Variants in GPBP1L1 observed in about 807,000 individuals in gnomAD.
GPBP1L1 encodes the protein vasculin-like protein 1.
Under a neutral mutation model 52.5 loss-of-function variants are expected in GPBP1L1, and 23 were observed. The ratio of observed to expected loss-of-function variants is 0.44; its 90% confidence interval spans 0.32 to 0.62. The LOEUF is 0.62. GPBP1L1 is among the 20% of genes least tolerant of loss of function. The pLI, the probability that GPBP1L1 is intolerant of heterozygous loss-of-function variation, is 0.06. For synonymous variants in GPBP1L1, 243 were observed against 203.1 expected, an observed-to-expected ratio of 1.20 and a Z score of -1.67; for missense variants, 596 against 579.3, an observed-to-expected ratio of 1.03 and a Z score of -0.30.
At chr1:45,669,996 TATTTCCTGA>T (rs1296526092) in intron 2 of GPBP1L1, among the ~76,000 whole-genome samples, 1 of 152,246 alleles carries the variant, frequency 6.6e-6, no homozygotes, top group African/African-American at 2.4e-5. Context: ...AGTAGATAAA[TATTTCCTGA>T]ATGAGTGTAT....
chr1:45,637,399 A>T (rs747356700), intron 8 of GPBP1L1, among the ~76,000 whole-genome samples: 2 of 152,108 alleles, frequency 1.3e-5, no homozygotes, highest in Non-Finnish European at 2.9e-5. Flanking sequence ...TTTTCCCAGG[A>T]AGAATGTCTT....
intron 6 of GPBP1L1, among the ~76,000 whole-genome samples, chr1:45,653,220 G>C: frequency 6.6e-6 from 1 of 152,170 alleles, no homozygotes; most frequent in East Asian, 1.9e-4. Flanking sequence ...TATAACAGAA[G>C]CGACTGATCG....
chr1:45,670,997 T>A (rs1034576597), intron 2 of GPBP1L1, among the ~76,000 whole-genome samples: 1 of 151,880 alleles, frequency 6.6e-6, no homozygotes, highest in South Asian at 2.1e-4. Flanking sequence ...TTTCACTGTG[T>A]TAGCCAGGCT....
chr1:45,632,736 G>A (rs1329344184), intron 10 of GPBP1L1, among the ~76,000 whole-genome samples: 1 of 152,042 alleles, frequency 6.6e-6, no homozygotes, highest in Admixed American at 6.5e-5. Flanking sequence ...AAATAAGAAA[G>A]AATGAAGAGT....
intron 6 of GPBP1L1, among the ~76,000 whole-genome samples, chr1:45,645,376 C>T (rs941968489): frequency 5.3e-5 from 8 of 152,148 alleles, no homozygotes; most frequent in Non-Finnish European, 1.2e-4. Context: ...TACGGAACAT[C>T]TATTTTACGT....
At position 45,628,401 on chromosome 1, in the gene GPBP1L1, C is replaced by A; in HGVS notation, c.1280G>T (p.Arg427Ile). 6.2e-7 allele frequency: 1 copy of A among 1,613,806 alleles called. No individual in the cohort carries two copies. Among genetic ancestry groups the A allele is most frequent in the Non-Finnish European group, 8.5e-7 (1 of 1,179,964 alleles). The stretch of plus-strand genomic sequence containing the variant: ...GAAGCCATTCTTTCCAAAGCCATTT[C>A]TTCTCAGCTATGGTTAGCATGGGAG... ...EFHMKTEQLR[R>I]NGFGKNGFLQ... The change falls in exon 13 of 13, where the codon AGA becomes ATA. Residue 427 changes from arginine to isoleucine, a missense_variant. Transcript: ENST00000355105.
rs368262085 is a variant in GPBP1L1, at chr1:45,659,019, G to C, written c.60+9C>G. 1.5e-5 allele frequency: 23 copies of C among 1,569,962 alleles called. No homozygotes were observed. Among genetic ancestry groups the C allele is most frequent in the Non-Finnish European group, 2.0e-5 (23 of 1,139,730 alleles). On this transcript the variant is annotated intron_variant, in intron 4 of 12. Coordinates refer to ENST00000355105, the MANE Select transcript of GPBP1L1 (RefSeq NM_021639.5). ...TTTGAGAAGTTACTACAGGAATGGA[G>C]AACAGTACCTTAGCTGACTGTGGTG...
At chr1:45,641,443 T>TAC (rs1278657587) in intron 7 of GPBP1L1, among the ~76,000 whole-genome samples, 1 of 150,232 alleles carries the variant, frequency 6.7e-6, no homozygotes, top group African/African-American at 2.5e-5. Flanking sequence ...AACATATATA[T>TAC]ACACACACAT....
At chr1:45,656,693 A>G (rs1644888837) in intron 4 of GPBP1L1, among the ~76,000 whole-genome samples, 2 of 149,868 alleles carry the variant, frequency 1.3e-5, no homozygotes, top group African/African-American at 4.9e-5. Flanking sequence ...TTTAAGAGCC[A>G]GGGTCTCAGT....
At position 45,634,244 on chromosome 1, in the gene GPBP1L1, G is replaced by A. The variant is rs1644567480; in HGVS notation, c.745-8C>T. ...AGCTTTCCATGCATTAGGCTACACAGGGTGAAAGAACAAATCAGTCAGAAC... is the reference window on the plus strand; with the variant it reads ...AGCTTTCCATGCATTAGGCTACACAAGGTGAAAGAACAAATCAGTCAGAAC... On this transcript the variant is annotated splice_region_variant and splice_polypyrimidine_tract_variant and intron_variant, in intron 8 of 12. Coordinates refer to ENST00000355105, the MANE Select transcript of GPBP1L1 (RefSeq NM_021639.5). The A allele has an allele frequency of 3.1e-6, 5 of 1,601,080 alleles. No individual in the cohort carries two copies. In the African/African-American group the frequency reaches 4.0e-5, roughly 13 times the overall value.
At chr1:45,681,369 T>C (rs1018221044) in intron 2 of GPBP1L1, among the ~76,000 whole-genome samples, 22 of 152,250 alleles carry the variant, frequency 1.4e-4, no homozygotes, top group South Asian at 1.2e-3. Flanking sequence ...ATCTAGAATG[T>C]GGGAAACTGC....
chr1:45,678,253 C>T (rs1645170704), intron 2 of GPBP1L1, among the ~76,000 whole-genome samples: 1 of 152,108 alleles, frequency 6.6e-6, no homozygotes, highest in African/African-American at 2.4e-5. Context: ...TACTAAAAAC[C>T]ACTAAATCGA....
At chr1:45,663,193 A>C (rs1320935202) in intron 2 of GPBP1L1, among the ~76,000 whole-genome samples, 1 of 152,222 alleles carries the variant, frequency 6.6e-6, no homozygotes, top group African/African-American at 2.4e-5. Context: ...AAAAGATATA[A>C]ATAACTGTCT....
Position 45,660,259 on chromosome 1 carries a change from A to G in GPBP1L1, c.-131T>C. 1.0e-6 allele frequency: 1 copy of G among 985,306 alleles called. No individual in the cohort carries two copies. Among genetic ancestry groups the G allele is most frequent in the Non-Finnish European group, 1.2e-6 (1 of 829,908 alleles). The allele number at this position is 985,306 out of a possible 1,614,324, so 61.0% of individuals were successfully genotyped here. On this transcript the variant is annotated 5_prime_UTR_variant, in exon 3 of 13. Coordinates refer to ENST00000355105, the MANE Select transcript of GPBP1L1 (RefSeq NM_021639.5). ...GGATCTCCCACAAGGTTTCCTTGTT[A>G]AAAGGGTGCTTAAGTAACCTGGCCG...
chr1:45,650,995 C>T (rs1390225210), intron 6 of GPBP1L1: 3 of 339,640 alleles, frequency 8.8e-6, no homozygotes, highest in East Asian at 7.3e-5. Context: ...TTTGCATTAC[C>T]TTTTTATGTA....
chr1:45,651,679 G>T (rs1402914522), intron 6 of GPBP1L1: 2 of 633,242 alleles, frequency 3.2e-6, no homozygotes, highest in Admixed American at 2.2e-5. Context: ...AGCAGGTGAG[G>T]TCTCTTTTGG....
intron 6 of GPBP1L1, among the ~76,000 whole-genome samples, chr1:45,653,065 G>A (rs762546397): frequency 6.6e-6 from 1 of 152,146 alleles, no homozygotes; most frequent in African/African-American, 2.4e-5. Flanking sequence ...ATAAAGTTTT[G>A]AAGAACACTC....
At chr1:45,633,691 A>G in intron 9 of GPBP1L1, 44 bp from the exon 10 acceptor site, 2 of 1,598,404 alleles carry the variant, frequency 1.3e-6, no homozygotes, top group Non-Finnish European at 1.7e-6. Context: ...AGCAAAGAGC[A>G]AGAACTGGGG....
At chr1:45,679,557 G>T (rs1201921214) in intron 2 of GPBP1L1, among the ~76,000 whole-genome samples, 1 of 152,108 alleles carries the variant, frequency 6.6e-6, no homozygotes, top group East Asian at 1.9e-4. Context: ...AACCTTTCCA[G>T]CATCCTCTCC....
Sources: gnomAD v4.1 joint callset for allele counts (sites outside exome capture counted in the v4.1 genomes callset) on GRCh38, gnomAD v4.1.1 for gene constraint, MANE v1.5 for transcripts, NCBI Gene and HGNC (gene_info 2026-07-23, HGNC 2026-07-21) for gene names.